FAM168A: variants seen among roughly 807,000 people sequenced by gnomAD.
FAM168A encodes the protein protein FAM168A.
FAM168A carries 3 observed loss-of-function variants against 28.5 expected under a neutral mutation model. The ratio of observed to expected loss-of-function variants is 0.11; its 90% CI spans 0.05 to 0.27. The LOEUF (loss-of-function observed/expected upper bound fraction) is 0.27. Ranked by LOEUF, FAM168A falls within the 10% of genes least tolerant of loss-of-function variation. The pLI is 1.00. For synonymous variants in FAM168A, 122 were observed against 124.2 expected (o/e 0.98, Z 0.12); for missense variants, 222 against 311.5 (o/e 0.71, Z 2.16).
intron 2 of FAM168A, among the ~76,000 whole-genome samples, chr11:73,441,119 C>T (rs1016032818): frequency 6.7e-6 from 1 of 149,184 alleles, no homozygotes; most frequent in Non-Finnish European, 1.5e-5. Context: ...AGTGCAGTGG[C>T]GCTATCTCAG....
At chr11:73,457,723 C>CAAAAAAA (rs58142151) in intron 2 of FAM168A, among the ~76,000 whole-genome samples, 21 of 37,524 alleles carry the variant, frequency 5.6e-4, no homozygotes, top group Admixed American at 1.0e-3. Context: ...GCCTGGGTGA[C>CAAAAAAA]AAAAAAAAAA....
At chr11:73,537,812 C>A (rs992057861) in intron 1 of FAM168A, among the ~76,000 whole-genome samples, 1 of 152,180 alleles carries the variant, frequency 6.6e-6, no homozygotes, top group African/African-American at 2.4e-5. Flanking sequence ...CTGCCCCAAG[C>A]CTTCACTTCC....
At chr11:73,544,684 TTA>T (rs1230043709) in intron 1 of FAM168A, among the ~76,000 whole-genome samples, 1 of 125,214 alleles carries the variant, frequency 8.0e-6, no homozygotes, top group Admixed American at 9.6e-5. Context: ...TTATATATAA[TTA>T]TATATTTTAT....
At chr11:73,523,948 A>C (rs1437545058) in intron 1 of FAM168A, among the ~76,000 whole-genome samples, 17 of 150,612 alleles carry the variant, frequency 1.1e-4, no homozygotes, top group African/African-American at 2.5e-5. Context: ...CTGTAACCTC[A>C]AACTCCTGGG....
At chr11:73,410,290 C>T (rs893493456) in intron 5 of FAM168A, among the ~76,000 whole-genome samples, 1 of 152,032 alleles carries the variant, frequency 6.6e-6, no homozygotes, top group African/African-American at 2.4e-5. Context: ...TGCCTGTGGT[C>T]CCAGCTACCT....
At chr11:73,533,930 G>A (rs535826266) in intron 1 of FAM168A, among the ~76,000 whole-genome samples, 3 of 152,232 alleles carry the variant, frequency 2.0e-5, no homozygotes, top group African/African-American at 7.2e-5. Flanking sequence ...AAATTTATTG[G>A]TGGAATTATG....
intron 1 of FAM168A, among the ~76,000 whole-genome samples, chr11:73,547,252 C>G (rs897559529): frequency 6.6e-6 from 1 of 151,374 alleles, no homozygotes; most frequent in Admixed American, 6.6e-5. Flanking sequence ...AGCTAACATG[C>G]ATTTTAAAAG....
At chr11:73,564,865 G>GA (rs548781338) in intron 1 of FAM168A, among the ~76,000 whole-genome samples, 11,498 of 144,744 alleles carry the variant, frequency 0.079, 520 homozygotes, top group Non-Finnish European at 0.11. Flanking sequence ...GAGTGTCCAG[G>GA]AAAAAAAAAA....
At position 73,496,927 on chromosome 11, in the gene FAM168A, A is replaced by G. The variant is rs942093113; in HGVS notation, c.-18-28435T>C. Reference sequence around the variant, plus strand: ...CACACGCACACACACGCACACACACACACAGTTTTAGGTCTAACACCAAAA... The same window carrying G: ...CACACGCACACACACGCACACACACGCACAGTTTTAGGTCTAACACCAAAA... On this transcript the variant is annotated intron_variant, in intron 1 of 7. Coordinates refer to ENST00000356467, the MANE Select transcript of FAM168A (RefSeq NM_015159.3). 5.3e-4 allele frequency among the ~76,000 whole-genome samples: 80 copies of G among 150,884 alleles called. 1 individual carries two copies. The highest frequency in any genetic ancestry group is 4.1e-3 in the Admixed American group (62 of 15,236).
intron 2 of FAM168A, among the ~76,000 whole-genome samples, chr11:73,431,027 T>C (rs993765126): frequency 2.0e-5 from 3 of 151,890 alleles, no homozygotes; most frequent in Non-Finnish European, 2.9e-5. Flanking sequence ...AAATATTCTA[T>C]ATGCTCACTA....
chr11:73,533,960 C>T (rs1943545587), intron 1 of FAM168A, among the ~76,000 whole-genome samples: 1 of 152,106 alleles, frequency 6.6e-6, no homozygotes, highest in Non-Finnish European at 1.5e-5. Flanking sequence ...CCTAAGGTCA[C>T]ACAGCTTGTT....
At chr11:73,437,443 G>A (rs1264467627) in intron 2 of FAM168A, among the ~76,000 whole-genome samples, 13 of 117,816 alleles carry the variant, frequency 1.1e-4, no homozygotes, top group South Asian at 2.7e-4. Flanking sequence ...TCACTCTATC[G>A]CCCAATCTAA....
intron 1 of FAM168A, among the ~76,000 whole-genome samples, chr11:73,524,860 A>C (rs866392348): frequency 6.6e-6 from 1 of 152,210 alleles, no homozygotes; most frequent in Non-Finnish European, 1.5e-5. Flanking sequence ...TCGGCCTCAC[A>C]AAGTGCTGGG....
intron 1 of FAM168A, among the ~76,000 whole-genome samples, chr11:73,473,325 A>G (rs10047427): frequency 0.03 from 4,521 of 152,212 alleles, 226 homozygotes; most frequent in African/African-American, 0.1. Flanking sequence ...CAGGCTCTCT[A>G]GTCAGCTACC....
intron 1 of FAM168A, among the ~76,000 whole-genome samples, chr11:73,525,446 C>T (rs992035309): frequency 1.3e-5 from 2 of 152,102 alleles, no homozygotes; most frequent in East Asian, 3.8e-4. Context: ...TCACTAAATC[C>T]CTGTTTTGGG....
intron 1 of FAM168A, among the ~76,000 whole-genome samples, chr11:73,591,107 G>GTA (rs1270786346): frequency 1.3e-5 from 2 of 151,924 alleles, no homozygotes; most frequent in Admixed American, 6.6e-5. Context: ...TCGTGCCACT[G>GTA]TACTCCAGGC....
At position 73,516,099 on chromosome 11, in the gene FAM168A, T is replaced by TAA. The variant is rs1565279510; in HGVS notation, c.-18-47608_-18-47607insTT. On this transcript the variant is annotated intron_variant, in intron 1 of 7. Coordinates refer to ENST00000356467, the MANE Select transcript of FAM168A (RefSeq NM_015159.3). ...CTGGTGACAGACTGAGACTCTGCCT[T>TAA]TAAAAAAAAAAAAAAAAAGAATCAG... Among the ~76,000 whole-genome samples, 27 of 121,536 alleles carry TAA rather than the reference T, an allele frequency of 2.2e-4. 1 individual carries two copies. The highest frequency in any genetic ancestry group is 8.3e-3 in the Middle Eastern group (2 of 240). The allele number at this position is 121,536 out of a possible 152,430, so 79.7% of individuals were successfully genotyped here.
chr11:73,590,909 G>A (rs940973959), intron 1 of FAM168A, among the ~76,000 whole-genome samples: 6 of 152,144 alleles, frequency 3.9e-5, no homozygotes, highest in South Asian at 4.1e-4. Flanking sequence ...TTGGGAGGCC[G>A]AGGCAGGCAG....
At chr11:73,492,881 T>C (rs1854779759) in intron 1 of FAM168A, among the ~76,000 whole-genome samples, 2 of 152,136 alleles carry the variant, frequency 1.3e-5, no homozygotes, top group South Asian at 4.1e-4. Flanking sequence ...TGGATGCAGG[T>C]GGAGGCCATT....
Sources: gnomAD v4.1 joint callset for allele counts (sites outside exome capture counted in the v4.1 genomes callset) on GRCh38, gnomAD v4.1.1 for gene constraint, MANE v1.5 for transcripts, NCBI Gene and HGNC (gene_info 2026-07-23, HGNC 2026-07-21) for gene names.